The following NTRK3 variants were observed in gnomAD, a reference collection of about 807,000 sequenced individuals.
The protein encoded by NTRK3 is neurotrophic receptor tyrosine kinase 3, also known as NT-3 growth factor receptor.
A neutral mutation model predicts 91.7 loss-of-function variants in NTRK3; 24 were observed. The observed-to-expected ratio is 0.26, with a 90% confidence interval of 0.19 to 0.37. The LOEUF is 0.37. NTRK3 is among the 10% of genes least tolerant of loss of function. The pLI is 1.00. For synonymous variants in NTRK3, 483 were observed against 404.0 expected (o/e 1.20, Z -2.34); for missense variants, 880 against 1,068.9 (o/e 0.82, Z 2.46).
intron 13 of NTRK3, among the ~76,000 whole-genome samples, chr15:88,055,933 C>A (rs1225015424): frequency 6.6e-6 from 1 of 152,028 alleles, no homozygotes; most frequent in East Asian, 1.9e-4. Context: ...TCTTATCGTT[C>A]CCATTGTCAC....
At chr15:87,888,682 A>C (rs1240671672) in intron 17 of NTRK3, among the ~76,000 whole-genome samples, 1 of 152,228 alleles carries the variant, frequency 6.6e-6, no homozygotes, top group Non-Finnish European at 1.5e-5. Context: ...ATGCCCAGTT[A>C]AATTTGACTT....
intron 3 of NTRK3, among the ~76,000 whole-genome samples, chr15:88,251,517 G>A (rs978153345): frequency 6.6e-6 from 1 of 152,274 alleles, no homozygotes; most frequent in Non-Finnish European, 1.5e-5. Context: ...CCCGAGGGGA[G>A]GCTGGAGACC....
At chr15:87,907,989 A>T (rs901549957) in intron 17 of NTRK3, among the ~76,000 whole-genome samples, 1 of 152,216 alleles carries the variant, frequency 6.6e-6, no homozygotes, top group African/African-American at 2.4e-5. Context: ...TCTGAGGTCA[A>T]TGGGGAGACC....
intron 13 of NTRK3, among the ~76,000 whole-genome samples, chr15:88,090,861 A>G (rs1472079482): frequency 6.6e-6 from 1 of 152,150 alleles, no homozygotes; most frequent in Non-Finnish European, 1.5e-5. Flanking sequence ...GTGAAAAAAA[A>G]AGCACGGTTT....
intron 6 of NTRK3, among the ~76,000 whole-genome samples, chr15:88,140,860 G>A (rs924181640): frequency 2.0e-5 from 3 of 152,212 alleles, no homozygotes; most frequent in Admixed American, 1.3e-4. Flanking sequence ...CTAGAGTGGA[G>A]TGGGAAAAAC....
chr15:87,889,086 G>A (rs936516455), intron 17 of NTRK3, among the ~76,000 whole-genome samples: 3 of 152,146 alleles, frequency 2.0e-5, no homozygotes, highest in African/African-American at 7.2e-5. Flanking sequence ...GTGGCAGAGA[G>A]GGGACATGGC....
Position 87,992,434 on chromosome 15 carries a change from C to T in NTRK3, c.1585+40423G>A, listed in dbSNP as rs965861215. Among the ~76,000 whole-genome samples the T allele has an allele frequency of 2.0e-5, 3 of 152,224 alleles. No individual in the cohort carries two copies. In the East Asian group the frequency reaches 5.8e-4, roughly 29 times the overall value. ...GCTCAGACTCCACTCTCTGTATAAG[C>T]CACTTGGCAGTTAATTGTTCATTTC... On this transcript the variant is annotated intron_variant, in intron 14 of 18. Transcript: ENST00000394480.
At chr15:87,876,770 T>A in exon 19 of NTRK3, 1 of 671,610 alleles carries the variant, frequency 1.5e-6, no homozygotes, top group Non-Finnish European at 2.5e-6. Context: ...TTTTTTTTTC[T>A]TTCTTTTTTT....
chr15:88,139,066 G>C (rs1375976876), intron 6 of NTRK3, among the ~76,000 whole-genome samples: 1 of 152,194 alleles, frequency 6.6e-6, no homozygotes, highest in Non-Finnish European at 1.5e-5. Flanking sequence ...AATTGGCCAT[G>C]GGCTGAGTGC....
At chr15:87,898,836 A>AT (rs2066284889) in intron 17 of NTRK3, among the ~76,000 whole-genome samples, 7 of 151,164 alleles carry the variant, frequency 4.6e-5, no homozygotes, top group Non-Finnish European at 8.9e-5. Context: ...AAAAAAAAAA[A>AT]AAAAAAAAAT....
intron 14 of NTRK3, chr15:87,981,238 G>A: frequency 6.3e-7 from 1 of 1,588,740 alleles, no homozygotes; most frequent in Non-Finnish European, 8.6e-7. Context: ...TGTGACCTTG[G>A]GTAAGACACT....
At chr15:88,163,906 A>C (rs749494143) in intron 5 of NTRK3, among the ~76,000 whole-genome samples, 2 of 152,186 alleles carry the variant, frequency 1.3e-5, no homozygotes, top group Non-Finnish European at 2.9e-5. Flanking sequence ...CCGTGCATCT[A>C]GGTGTCACTT....
intron 11 of NTRK3, among the ~76,000 whole-genome samples, chr15:88,127,649 G>A (rs2053433078): frequency 6.6e-6 from 1 of 152,154 alleles, no homozygotes; most frequent in Non-Finnish European, 1.5e-5. Flanking sequence ...CCTTGCCACA[G>A]GCATTCCTTT....
rs2043722562 is a variant in NTRK3, at chr15:88,154,710, G to A, written c.396-7307C>T. 2.6e-5 allele frequency among the ~76,000 whole-genome samples: 4 copies of A among 152,142 alleles called. No individual in the cohort carries two copies. In the South Asian group the frequency reaches 6.2e-4, roughly 24 times the overall value. On this transcript the variant is annotated intron_variant, in intron 5 of 18. Coordinates refer to ENST00000394480, the Ensembl canonical transcript of NTRK3. ...TGCAGCCTGTTATGGGCTCTACCAG[G>A]GTTTCCCAGAGCGTGTTCCTGGAAT...
In NTRK3 at chr15:87,883,029, T is replaced by C. The variant is rs545885265; in HGVS notation, c.2134-2601A>G. 1.3e-4 allele frequency among the ~76,000 whole-genome samples: 20 copies of C among 151,818 alleles called. 1 individual carries two copies. The highest frequency in any genetic ancestry group is 8.3e-4 in the South Asian group (4 of 4,828). ...GTCTAAAACAAAATGGCAGAAAACATTGAAAATGGAAGAGTGCTAAAAATA... is the reference window on the plus strand; with the variant it reads ...GTCTAAAACAAAATGGCAGAAAACACTGAAAATGGAAGAGTGCTAAAAATA... On this transcript the variant is annotated intron_variant, in intron 17 of 18. Transcript: ENST00000394480.
intron 13 of NTRK3, among the ~76,000 whole-genome samples, chr15:88,119,700 G>A (rs2052492840): frequency 6.6e-6 from 1 of 152,174 alleles, no homozygotes; most frequent in African/African-American, 2.4e-5. Flanking sequence ...CAAGAAGGAA[G>A]AAAACGAGGA....
Position 88,116,455 on chromosome 15 carries a change from T to C in NTRK3, c.1396+9816A>G, listed in dbSNP as rs1020093144. 6.7e-5 allele frequency among the ~76,000 whole-genome samples: 10 copies of C among 149,784 alleles called. No individual in the cohort carries two copies. In the East Asian group the frequency reaches 1.8e-3, roughly 26 times the overall value. ...CAAAAATTTAAAAAAAAAAAAATGG[T>C]GGTTATAGTTTGTAATCTTATAGTC... On this transcript the variant is annotated intron_variant, in intron 13 of 18. Coordinates refer to ENST00000394480, the Ensembl canonical transcript of NTRK3.
intron 14 of NTRK3, among the ~76,000 whole-genome samples, chr15:87,989,617 G>T (rs946177961): frequency 6.6e-6 from 1 of 151,686 alleles, no homozygotes; most frequent in Non-Finnish European, 1.5e-5. Flanking sequence ...AAACCTGCAC[G>T]TTGTGCACAT....
At chr15:88,040,184 G>A (rs558783734) in intron 13 of NTRK3, among the ~76,000 whole-genome samples, 1 of 152,324 alleles carries the variant, frequency 6.6e-6, no homozygotes, top group South Asian at 2.1e-4. Flanking sequence ...ATTAGATGGG[G>A]AGGAAAGTCT....
Sources: allele counts gnomAD v4.1 joint callset (sites outside exome capture counted in the v4.1 genomes callset), GRCh38; gene constraint gnomAD v4.1.1; transcripts MANE v1.5; gene names NCBI Gene and HGNC (gene_info 2026-07-23, HGNC 2026-07-21).